ABCG2: variants seen among roughly 807,000 people sequenced by gnomAD.
ABCG2 encodes broad substrate specificity ATP-binding cassette transporter ABCG2.
Under a neutral mutation model 73.5 loss-of-function variants are expected in ABCG2, and 80 were observed. That is an observed-to-expected ratio of 1.09 (90% CI 0.91 to 1.31). The LOEUF is 1.31. ABCG2 is among the 50% of genes most tolerant of loss of function. The probability of loss-of-function intolerance (pLI) is 0.00; values close to 1 mark genes in which losing one functional copy is unlikely to be tolerated. For synonymous variants in ABCG2, 269 were observed against 282.4 expected (o/e 0.95, Z 0.48); for missense variants, 796 against 786.2 (o/e 1.01, Z -0.15).
intron 1 of ABCG2, among the ~76,000 whole-genome samples, chr4:88,192,431 T>C (rs536479546): frequency 7.9e-5 from 12 of 152,286 alleles, no homozygotes; most frequent in African/African-American, 2.9e-4. Flanking sequence ...TTCCTTTTTT[T>C]GAGATGGAGT....
At chr4:88,121,210 G>A (rs1723944042) in intron 6 of ABCG2, among the ~76,000 whole-genome samples, 1 of 151,950 alleles carries the variant, frequency 6.6e-6, no homozygotes, top group African/African-American at 2.4e-5. Context: ...GATATAAGTA[G>A]AGTAAAAAAG....
At chr4:88,220,525 T>C (rs1327242408) in intron 1 of ABCG2, 1 of 152,400 alleles carries the variant, frequency 6.6e-6, no homozygotes, top group Non-Finnish European at 1.5e-5. Flanking sequence ...ATCTAAAATG[T>C]GTTTATTGGG....
intron 1 of ABCG2, among the ~76,000 whole-genome samples, chr4:88,188,718 A>G (rs1255057916): frequency 6.6e-6 from 1 of 152,202 alleles, no homozygotes; most frequent in Non-Finnish European, 1.5e-5. Flanking sequence ...CCATCCTAAC[A>G]ATTTTAGATC....
intron 9 of ABCG2, among the ~76,000 whole-genome samples, 157 bp downstream of exon 9, chr4:88,113,146 T>C (rs1369562500): frequency 1.3e-5 from 2 of 152,168 alleles, no homozygotes; most frequent in Non-Finnish European, 2.9e-5. Context: ...AAAACTTAAT[T>C]GTCCTTTATT....
intron 1 of ABCG2, among the ~76,000 whole-genome samples, chr4:88,226,031 T>C (rs1730199228): frequency 6.6e-6 from 1 of 151,994 alleles, no homozygotes; most frequent in Non-Finnish European, 1.5e-5. Flanking sequence ...CCACAACACA[T>C]GGGATTATGG....
chr4:88,196,199 G>A (rs1728937163), intron 1 of ABCG2, among the ~76,000 whole-genome samples: 1 of 152,112 alleles, frequency 6.6e-6, no homozygotes, highest in Non-Finnish European at 1.5e-5. Flanking sequence ...GCTCTGCATT[G>A]GAGCTTGCCT....
chr4:88,219,576 ATTTTTTT>A (rs5860122), intron 1 of ABCG2, among the ~76,000 whole-genome samples: 1 of 90,872 alleles, frequency 1.1e-5, no homozygotes. Flanking sequence ...TACCATTCAA[ATTTTTTT>A]TTTTTTTTTT....
chr4:88,113,133 A>G (rs1023742672), intron 9 of ABCG2, among the ~76,000 whole-genome samples, 170 bp downstream of exon 9: 20 of 152,218 alleles, frequency 1.3e-4, no homozygotes, highest in Non-Finnish European at 2.2e-4. Flanking sequence ...GCTTTCCAAA[A>G]GTAAAACTTA....
intron 1 of ABCG2, among the ~76,000 whole-genome samples, chr4:88,202,085 T>C (rs1274774922): frequency 6.6e-6 from 1 of 151,858 alleles, no homozygotes; most frequent in Non-Finnish European, 1.5e-5. Context: ...GATCACAAAA[T>C]GAATATCGGT....
At chr4:88,133,148 A>G (rs1413437226) in intron 2 of ABCG2, among the ~76,000 whole-genome samples, 2 of 152,188 alleles carry the variant, frequency 1.3e-5, no homozygotes, top group Non-Finnish European at 2.9e-5. Flanking sequence ...AACGAAATAC[A>G]TGGCGTGTTC....
intron 1 of ABCG2, among the ~76,000 whole-genome samples, chr4:88,194,672 AT>A (rs1465063754): frequency 6.7e-6 from 1 of 149,978 alleles, no homozygotes. Flanking sequence ...ATAAATGTCT[AT>A]TTTTTTCTTC....
intron 1 of ABCG2, among the ~76,000 whole-genome samples, chr4:88,228,393 AC>A (rs1560469212): frequency 6.6e-6 from 1 of 152,006 alleles, no homozygotes; most frequent in Non-Finnish European, 1.5e-5. Flanking sequence ...CTTACAATCT[AC>A]CCCCAAAAAG....
At chr4:88,210,990 T>C (rs1729567824) in intron 1 of ABCG2, among the ~76,000 whole-genome samples, 2 of 152,044 alleles carry the variant, frequency 1.3e-5, no homozygotes, top group African/African-American at 4.8e-5. Context: ...GGTGAGAGGA[T>C]TTCTTGGGGC....
chr4:88,202,194 C>G (rs1347785388), intron 1 of ABCG2, among the ~76,000 whole-genome samples: 1 of 151,192 alleles, frequency 6.6e-6, no homozygotes. Context: ...CATAATGCCC[C>G]ATGTCAACTT....
intron 1 of ABCG2, among the ~76,000 whole-genome samples, chr4:88,204,744 A>C (rs1051672440): frequency 1.3e-5 from 2 of 152,204 alleles, no homozygotes; most frequent in African/African-American, 4.8e-5. Context: ...GCAGTGTTTT[A>C]AAGGAATAAG....
intron 10 of ABCG2, among the ~76,000 whole-genome samples, chr4:88,105,723 A>T (rs897853435): frequency 1.3e-5 from 2 of 152,240 alleles, no homozygotes; most frequent in African/African-American, 4.8e-5. Flanking sequence ...ATGTTTATGC[A>T]TCAAAGGACA....
At chr4:88,198,552 G>A (rs545196145) in intron 1 of ABCG2, among the ~76,000 whole-genome samples, 1 of 152,198 alleles carries the variant, frequency 6.6e-6, no homozygotes, top group South Asian at 2.1e-4. Flanking sequence ...AGGATCACTT[G>A]AGCCCAGGAG....
At chr4:88,157,079 G>T (rs560657138) in intron 1 of ABCG2, among the ~76,000 whole-genome samples, 2 of 152,258 alleles carry the variant, frequency 1.3e-5, no homozygotes, top group South Asian at 4.1e-4. Context: ...TCCAGTCTGG[G>T]CAATAAAGCA....
chr4:88,218,577 A>G (rs1367786483), intron 1 of ABCG2, among the ~76,000 whole-genome samples: 1 of 152,112 alleles, frequency 6.6e-6, no homozygotes, highest in Non-Finnish European at 1.5e-5. Context: ...CCAATTTGCA[A>G]TCTTTTATCC....
Sources: gnomAD v4.1 joint callset for allele counts (sites outside exome capture counted in the v4.1 genomes callset) on GRCh38, gnomAD v4.1.1 for gene constraint, MANE v1.5 for transcripts, NCBI Gene and HGNC (gene_info 2026-07-23, HGNC 2026-07-21) for gene names.